CCDC195: variants seen among roughly 807,000 people sequenced by gnomAD.
CCDC195 encodes the protein coiled-coil domain containing 195.
intron 2 of CCDC195, among the ~76,000 whole-genome samples, chr2:224,709,627 T>C (rs1007421281): frequency 2.0e-5 from 3 of 152,228 alleles, no homozygotes; most frequent in Non-Finnish European, 4.4e-5. Flanking sequence ...AGTAGATAGT[T>C]TACTTGTGTG....
intron 1 of CCDC195, among the ~76,000 whole-genome samples, chr2:224,711,423 C>T (rs537090970): frequency 2.3e-4 from 34 of 145,104 alleles, no homozygotes; most frequent in Middle Eastern, 3.6e-3. Flanking sequence ...TTTAGAGGCT[C>T]TTGGTATGTC....
chr2:224,712,403 A>G (rs2124853183), intron 1 of CCDC195, among the ~76,000 whole-genome samples: 1 of 152,360 alleles, frequency 6.6e-6, no homozygotes, highest in South Asian at 2.1e-4. Flanking sequence ...TAGATTTCAT[A>G]TCTACCAAAT....
At chr2:224,712,459 G>A (rs866300646) in intron 1 of CCDC195, among the ~76,000 whole-genome samples, 10 of 152,210 alleles carry the variant, frequency 6.6e-5, no homozygotes, top group Admixed American at 2.6e-4. Flanking sequence ...TACCCAGCAA[G>A]GATTCATTCC....
intron 2 of CCDC195, among the ~76,000 whole-genome samples, chr2:224,706,697 A>G (rs1228617312): frequency 6.6e-6 from 1 of 150,440 alleles, no homozygotes; most frequent in Non-Finnish European, 1.5e-5. Flanking sequence ...TTTAGTAGAG[A>G]TGGGGTTTCA....
At chr2:224,715,326 T>TTC (rs1689365692) in intron 1 of CCDC195, among the ~76,000 whole-genome samples, 1 of 152,210 alleles carries the variant, frequency 6.6e-6, no homozygotes, top group Admixed American at 6.5e-5. Flanking sequence ...TAGAGTATAT[T>TTC]TCTCACTCTG....
chr2:224,709,910 G>A (rs1353669358), intron 2 of CCDC195, 63 bp downstream of exon 2: 9 of 398,266 alleles, frequency 2.3e-5, no homozygotes, highest in Non-Finnish European at 4.0e-5. Context: ...TTATCCAGGG[G>A]AAAGTCTCAG....
chr2:224,705,005 ACT>A (rs1370718547), intron 2 of CCDC195, among the ~76,000 whole-genome samples: 5 of 152,146 alleles, frequency 3.3e-5, no homozygotes, highest in Admixed American at 1.3e-4. Context: ...AACCACTGCC[ACT>A]TGGTGAGCGG....
At chr2:224,715,478 A>G (rs1052570912) in intron 1 of CCDC195, among the ~76,000 whole-genome samples, 1 of 152,196 alleles carries the variant, frequency 6.6e-6, no homozygotes, top group African/African-American at 2.4e-5. Flanking sequence ...TATGTGCAGT[A>G]TTCATTCATA....
At chr2:224,710,358 T>C (rs75103125) in intron 1 of CCDC195, 139 bp from the exon 2 acceptor site, 45 of 393,538 alleles carry the variant, frequency 1.1e-4, no homozygotes, top group African/African-American at 8.8e-4. Context: ...AAGATATCCA[T>C]TTGGCCTGGC....
intron 2 of CCDC195, among the ~76,000 whole-genome samples, chr2:224,706,919 A>C (rs1462317248): frequency 1.3e-5 from 2 of 149,704 alleles, no homozygotes; most frequent in African/African-American, 4.9e-5. Flanking sequence ...ACACACGCGC[A>C]CTTTTTTTTT....
chr2:224,705,456 G>A (rs537693964), intron 2 of CCDC195, among the ~76,000 whole-genome samples: 57 of 152,158 alleles, frequency 3.7e-4, no homozygotes, highest in African/African-American at 1.3e-3. Flanking sequence ...ATTGACATTG[G>A]CATTATTTTG....
intron 2 of CCDC195, among the ~76,000 whole-genome samples, chr2:224,705,447 T>C (rs1415366300): frequency 1.3e-5 from 2 of 152,242 alleles, no homozygotes; most frequent in African/African-American, 2.4e-5. Flanking sequence ...CTTAGAAATA[T>C]TGACATTGGC....
At chr2:224,713,559 A>G (rs1443627427) in intron 1 of CCDC195, among the ~76,000 whole-genome samples, 1 of 152,168 alleles carries the variant, frequency 6.6e-6, no homozygotes, top group Non-Finnish European at 1.5e-5. Context: ...CAGAAAGTTT[A>G]TGTGACCTGC....
intron 1 of CCDC195, among the ~76,000 whole-genome samples, chr2:224,713,187 A>C (rs1225319267): frequency 6.6e-6 from 1 of 152,164 alleles, no homozygotes; most frequent in Non-Finnish European, 1.5e-5. Flanking sequence ...CTTTCTAGTA[A>C]CAGATTTCTA....
chr2:224,706,809 A>G (rs1367364919), intron 2 of CCDC195, among the ~76,000 whole-genome samples: 1 of 151,568 alleles, frequency 6.6e-6, no homozygotes, highest in Non-Finnish European at 1.5e-5. Flanking sequence ...CGCGACCGAC[A>G]CCTGGCTGTA....
At chr2:224,710,563 G>A (rs574908381) in intron 1 of CCDC195, among the ~76,000 whole-genome samples, 5 of 152,256 alleles carry the variant, frequency 3.3e-5, no homozygotes, top group South Asian at 2.1e-4. Flanking sequence ...GCTTGAATCC[G>A]GGAGGCAGAG....
intron 2 of CCDC195, among the ~76,000 whole-genome samples, chr2:224,708,220 G>T (rs540702816): frequency 6.6e-6 from 1 of 152,026 alleles, no homozygotes; most frequent in East Asian, 1.9e-4. Context: ...TGAATCTATT[G>T]GTGCATGTAA....
chr2:224,713,050 G>A (rs1200247762), intron 1 of CCDC195, among the ~76,000 whole-genome samples: 1 of 152,070 alleles, frequency 6.6e-6, no homozygotes, highest in Non-Finnish European at 1.5e-5. Context: ...TGTATTTTTA[G>A]TAGAGACGGG....
intron 1 of CCDC195, among the ~76,000 whole-genome samples, chr2:224,711,753 C>G (rs180793861): frequency 5.1e-4 from 78 of 152,238 alleles, no homozygotes; most frequent in African/African-American, 1.7e-3. Context: ...CTGGAAAAAG[C>G]AGACAGAAAA....
Sources: gnomAD v4.1 joint callset for allele counts (sites outside exome capture counted in the v4.1 genomes callset) on GRCh38, gnomAD v4.1.1 for gene constraint, MANE v1.5 for transcripts, NCBI Gene and HGNC (gene_info 2026-07-23, HGNC 2026-07-21) for gene names.